The following FARSB variants were observed in gnomAD, a reference collection of about 807,000 sequenced individuals.
FARSB encodes the protein phenylalanyl-tRNA synthetase subunit beta, also known as phenylalanine--tRNA ligase beta subunit.
A neutral mutation model predicts 69.6 loss-of-function variants in FARSB; 40 were observed. The ratio of observed to expected loss-of-function variants is 0.57; its 90% confidence interval spans 0.45 to 0.75. FARSB has a LOEUF of 0.75. Ranked by LOEUF, FARSB falls within the 30% of genes least tolerant of loss-of-function variation. The pLI is 0.00. For synonymous variants in FARSB, 235 were observed against 247.2 expected (o/e 0.95, Z 0.46); for missense variants, 632 against 722.9 (o/e 0.87, Z 1.44).
intron 1 of FARSB, 127 bp from the exon 2 acceptor site, chr2:222,648,922 A>G (rs2106245243): frequency 5.5e-6 from 4 of 726,892 alleles, no homozygotes; most frequent in East Asian, 2.5e-5. Flanking sequence ...CAGGCATCAC[A>G]TATTATCATT....
At chr2:222,588,095 G>A (rs1384700049) in intron 16 of FARSB, among the ~76,000 whole-genome samples, 8 of 152,050 alleles carry the variant, frequency 5.3e-5, no homozygotes, top group African/African-American at 1.4e-4. Context: ...GATGAACATC[G>A]ATGCAAAAAT....
At chr2:222,632,935 TA>T (rs1420595676) in intron 7 of FARSB, among the ~76,000 whole-genome samples, 2 of 150,878 alleles carry the variant, frequency 1.3e-5, no homozygotes, top group Non-Finnish European at 2.9e-5. Context: ...AAAACATCAA[TA>T]ACCTTTGAAG....
At chr2:222,613,045 C>T (rs1165356315) in intron 15 of FARSB, among the ~76,000 whole-genome samples, 1 of 152,102 alleles carries the variant, frequency 6.6e-6, no homozygotes. Context: ...ATAAATCACG[C>T]CATATAAGAA....
chr2:222,614,983 G>A (rs1690959003), intron 14 of FARSB, among the ~76,000 whole-genome samples: 1 of 152,096 alleles, frequency 6.6e-6, no homozygotes. Context: ...CAGCTGCTAT[G>A]GGTAGGCTGT....
chr2:222,636,385 CA>C (rs34295305), intron 5 of FARSB, among the ~76,000 whole-genome samples: 137 of 96,690 alleles, frequency 1.4e-3, no homozygotes, highest in African/African-American at 2.7e-3. Context: ...GACTCTATCT[CA>C]AAAAAAAAAA....
rs1274413443 is a variant in FARSB at position 222,617,041 on chromosome 2, C to T, written c.1344+2604G>A. 5.1e-4 allele frequency among the ~76,000 whole-genome samples: 2 copies of T among 3,960 alleles called. 1 individual carries two copies. The highest frequency in any genetic ancestry group is 1.4e-3 in the Non-Finnish European group (2 of 1,438). 2.6% of individuals were successfully genotyped at this position (3,960 alleles called of 152,430 possible). ...CGGAGTCTCGCTCTGTCGCCCAGGT[C>T]GGACTGCGGACTGCAGTGGCGCAAT... On this transcript the variant is annotated intron_variant, in intron 14 of 16. Transcript: ENST00000281828.
chr2:222,584,982 G>C (rs902302558), intron 16 of FARSB, among the ~76,000 whole-genome samples: 1 of 152,216 alleles, frequency 6.6e-6, no homozygotes, highest in African/African-American at 2.4e-5. Context: ...TGACAGCTTT[G>C]AAGAGAGTAG....
chr2:222,572,033 G>A lies in FARSB; in HGVS notation c.1619-11C>T. On this transcript the variant is annotated splice_polypyrimidine_tract_variant and intron_variant, in intron 16 of 16. Coordinates refer to ENST00000281828, the MANE Select transcript of FARSB (RefSeq NM_005687.5). ...GGAAGAAAGCAGGCCCTGAAAAAGA[G>A]AAAGTAAGAGAAAAATCAATGTTTC... 1 of 1,603,960 alleles carries A rather than the reference G, an allele frequency of 6.2e-7. No individual in the cohort carries two copies. The highest frequency in any genetic ancestry group is 8.5e-7 in the Non-Finnish European group (1 of 1,177,098).
rs1691668747 is a variant in FARSB at position 222,639,702 on chromosome 2, T to C, written c.340-7A>G. On this transcript the variant is annotated splice_region_variant and splice_polypyrimidine_tract_variant and intron_variant, in intron 4 of 16. Transcript: ENST00000281828. ...AAGGACGTATCTTAGCTGTCTGAAA[T>C]TCATAATATCATTAGAGATAGCAAA... is the stretch of plus-strand genomic sequence containing the variant. The C allele has an allele frequency of 2.2e-6, 3 of 1,389,578 alleles. No individual in the cohort carries two copies. Among genetic ancestry groups the C allele is most frequent in the South Asian group, 1.3e-5 (1 of 75,976 alleles). The allele number at this position is 1,389,578 out of a possible 1,614,324, so 86.1% of individuals were successfully genotyped here.
chr2:222,621,411 T>C (rs991787316), intron 13 of FARSB, among the ~76,000 whole-genome samples: 3 of 152,112 alleles, frequency 2.0e-5, no homozygotes, highest in Admixed American at 6.5e-5. Flanking sequence ...TTAGTAGAGA[T>C]GGGGTTTTGC....
intron 15 of FARSB, among the ~76,000 whole-genome samples, chr2:222,613,350 G>A (rs1448793076): frequency 2.6e-5 from 4 of 152,200 alleles, no homozygotes; most frequent in Admixed American, 6.5e-5. Flanking sequence ...TTCGAGTCCA[G>A]CCTGGCCAAC....
intron 8 of FARSB, among the ~76,000 whole-genome samples, chr2:222,630,898 A>G (rs1691405035): frequency 6.6e-6 from 1 of 152,170 alleles, no homozygotes. Context: ...AATACCTTAC[A>G]ATGGTCTCTA....
At chr2:222,648,137 A>G (rs1386304338) in intron 2 of FARSB, among the ~76,000 whole-genome samples, 1 of 152,234 alleles carries the variant, frequency 6.6e-6, no homozygotes, top group Non-Finnish European at 1.5e-5. Context: ...TATGTCTTTA[A>G]TAGATAATCA....
At chr2:222,644,794 A>C (rs1300585138) in intron 2 of FARSB, among the ~76,000 whole-genome samples, 1 of 152,190 alleles carries the variant, frequency 6.6e-6, no homozygotes, top group African/African-American at 2.4e-5. Flanking sequence ...AACTAATAAT[A>C]AAATAGAACA....
In FARSB at chr2:222,613,830, T is replaced by G; in HGVS notation, c.1443A>C (p.Val481=). Residue 481 remains valine, a synonymous_variant, in exon 15 of 17, where the codon GTA becomes GTC. Transcript: ENST00000281828. ...PLKLFEISDI[V]IKDSNTDVGA... ...TCTTACCTGTATTAGAATCTTTTAT[T>G]ACAATGTCAGAGATTTCAAACAGTT... The G allele has an allele frequency of 1.3e-6, 2 of 1,591,432 alleles. No individual in the cohort carries two copies. Among genetic ancestry groups the G allele is most frequent in the Admixed American group, 1.7e-5 (1 of 59,984 alleles).
At chr2:222,605,298 GC>G (rs1412612581) in intron 15 of FARSB, among the ~76,000 whole-genome samples, 1 of 151,676 alleles carries the variant, frequency 6.6e-6, no homozygotes, top group African/African-American at 2.4e-5. Flanking sequence ...GGGTATTTTT[GC>G]CATGTGGTAC....
chr2:222,585,244 C>T (rs1386635912), intron 16 of FARSB, among the ~76,000 whole-genome samples: 2 of 152,176 alleles, frequency 1.3e-5, no homozygotes, highest in African/African-American at 2.4e-5. Context: ...TGGAGTGGAC[C>T]TCCAGCAAAC....
At chr2:222,577,108 G>C (rs912792107) in intron 16 of FARSB, among the ~76,000 whole-genome samples, 1 of 152,024 alleles carries the variant, frequency 6.6e-6, no homozygotes, top group African/African-American at 2.4e-5. Context: ...TTAGGAATAT[G>C]AGGAGGAAAA....
rs370950687 is a variant in FARSB at position 222,590,066 on chromosome 2, G to A, written c.1618+9862C>T. Among the ~76,000 whole-genome samples the A allele has an allele frequency of 9.7e-4, 148 of 152,188 alleles. No homozygotes were observed. The East Asian group carries it at 0.028, about 29-fold the overall frequency. ...TGCTGCTATAAAGACACATGCACAC[G>A]TATGTTTATTGCGGCACTATTCACA... On this transcript the variant is annotated intron_variant, in intron 16 of 16. Transcript: ENST00000281828.
Sources: allele counts gnomAD v4.1 joint callset (sites outside exome capture counted in the v4.1 genomes callset), GRCh38; gene constraint gnomAD v4.1.1; transcripts MANE v1.5; gene names NCBI Gene and HGNC (gene_info 2026-07-23, HGNC 2026-07-21).